The following BMPER variants were observed in gnomAD, a reference collection of about 807,000 sequenced individuals.
BMPER encodes the protein BMP binding endothelial regulator.
A neutral mutation model predicts 87.3 loss-of-function variants in BMPER; 45 were observed. The observed-to-expected ratio is 0.52, with a 90% CI of 0.41 to 0.66. The LOEUF (loss-of-function observed/expected upper bound fraction) is 0.66. Ranked by LOEUF, BMPER falls within the 30% of genes least tolerant of loss-of-function variation. BMPER has a pLI of 0.00. For synonymous variants in BMPER, 326 were observed against 316.2 expected, an observed-to-expected ratio of 1.03 and a Z score of -0.33; for missense variants, 784 against 867.5, an observed-to-expected ratio of 0.90 and a Z score of 1.21.
At chr7:34,020,918 T>C (rs2127946080) in intron 6 of BMPER, among the ~76,000 whole-genome samples, 1 of 151,514 alleles carries the variant, frequency 6.6e-6, no homozygotes, top group Non-Finnish European at 1.5e-5. Context: ...ATGCATATGT[T>C]ATAGGGTGTG....
At chr7:34,016,023 A>AGC (rs1301064428) in intron 6 of BMPER, among the ~76,000 whole-genome samples, 2 of 151,744 alleles carry the variant, frequency 1.3e-5, no homozygotes, top group African/African-American at 4.8e-5. Flanking sequence ...AGAGAGAGAG[A>AGC]GAGAGACTGA....
At chr7:34,137,559 A>G (rs1400759908) in intron 13 of BMPER, among the ~76,000 whole-genome samples, 1 of 152,262 alleles carries the variant, frequency 6.6e-6, no homozygotes, top group African/African-American at 2.4e-5. Context: ...TGATGTTTCA[A>G]AGGATCTGTG....
At chr7:34,079,299 C>A in intron 12 of BMPER, 113 bp downstream of exon 12, 1 of 1,385,974 alleles carries the variant, frequency 7.2e-7, no homozygotes, top group Non-Finnish European at 1.0e-6. Context: ...AGCAAAAACC[C>A]AAGGCAGAGC....
chr7:34,147,451 T>G (rs1196435166), intron 14 of BMPER, among the ~76,000 whole-genome samples: 2 of 152,140 alleles, frequency 1.3e-5, no homozygotes, highest in Non-Finnish European at 2.9e-5. Flanking sequence ...CCTAACCACT[T>G]TGGCAGATCC....
chr7:34,096,918 G>A (rs886891325), intron 13 of BMPER, among the ~76,000 whole-genome samples: 3 of 152,208 alleles, frequency 2.0e-5, no homozygotes, highest in African/African-American at 7.2e-5. Flanking sequence ...GATTAAATAA[G>A]ACACCAGGCA....
chr7:34,073,696 G>C (rs1438832263), intron 11 of BMPER, among the ~76,000 whole-genome samples: 1 of 152,192 alleles, frequency 6.6e-6, no homozygotes, highest in Non-Finnish European at 1.5e-5. Flanking sequence ...CTATGAGTTT[G>C]GTACACCATA....
chr7:34,079,583 C>G (rs1788958804), intron 12 of BMPER, among the ~76,000 whole-genome samples: 1 of 152,188 alleles, frequency 6.6e-6, no homozygotes, highest in African/African-American at 2.4e-5. Context: ...GCTCAGCTAG[C>G]TATGTGCAGT....
At chr7:34,009,517 G>A (rs1380756162) in intron 6 of BMPER, among the ~76,000 whole-genome samples, 1 of 151,908 alleles carries the variant, frequency 6.6e-6, no homozygotes, top group East Asian at 1.9e-4. Flanking sequence ...CAAAATGCAA[G>A]TAGCAGACTT....
intron 10 of BMPER, among the ~76,000 whole-genome samples, chr7:34,058,853 A>G (rs960341077): frequency 1.3e-5 from 2 of 152,196 alleles, no homozygotes; most frequent in African/African-American, 4.8e-5. Flanking sequence ...ATGAAAAAAT[A>G]TATCCATATA....
intron 6 of BMPER, among the ~76,000 whole-genome samples, chr7:33,976,954 A>C (rs530643884): frequency 6.6e-6 from 1 of 152,330 alleles, no homozygotes; most frequent in African/African-American, 2.4e-5. Context: ...TTCCTTTCTC[A>C]TATCCTTGTA....
intron 6 of BMPER, among the ~76,000 whole-genome samples, chr7:34,021,675 T>C (rs1243122786): frequency 1.3e-5 from 2 of 152,020 alleles, no homozygotes; most frequent in Non-Finnish European, 2.9e-5. Flanking sequence ...GATTACCACC[T>C]TTTCCCACTG....
At chr7:34,146,076 T>C (rs1333634220) in intron 14 of BMPER, among the ~76,000 whole-genome samples, 1 of 151,884 alleles carries the variant, frequency 6.6e-6, no homozygotes, top group Non-Finnish European at 1.5e-5. Context: ...CACACACACA[T>C]TATGAACTTC....
At chr7:34,055,100 A>G in intron 8 of BMPER, 63 bp from the exon 9 acceptor site, 4 of 1,608,426 alleles carry the variant, frequency 2.5e-6, no homozygotes, top group Non-Finnish European at 3.4e-6. Context: ...AAGGAAGGCC[A>G]GGTAGGATGT....
chr7:34,098,134 C>T (rs1009687783), intron 13 of BMPER, among the ~76,000 whole-genome samples: 31 of 152,072 alleles, frequency 2.0e-4, no homozygotes, highest in African/African-American at 7.2e-4. Context: ...TTCTCCTGGT[C>T]GCTGAGATGC....
At chr7:34,087,374 A>C (rs567695823) in intron 13 of BMPER, among the ~76,000 whole-genome samples, 61 of 152,288 alleles carry the variant, frequency 4.0e-4, no homozygotes, top group African/African-American at 1.4e-3. Flanking sequence ...CTTTATTTGG[A>C]ATCTAAAAAC....
chr7:34,127,549 T>G (rs1046089999), intron 13 of BMPER, among the ~76,000 whole-genome samples: 22 of 151,834 alleles, frequency 1.4e-4, no homozygotes, highest in Admixed American at 1.1e-3. Flanking sequence ...ACCACACCAC[T>G]CCCTGGATGT....
intron 3 of BMPER, among the ~76,000 whole-genome samples, chr7:33,940,944 A>G (rs2128610390): frequency 7.3e-6 from 1 of 136,682 alleles, no homozygotes; most frequent in South Asian, 2.1e-4. Context: ...GAATTTATAT[A>G]TGTAACATAT....
At chr7:33,926,259 A>G (rs1208413439) in intron 2 of BMPER, among the ~76,000 whole-genome samples, 2 of 152,252 alleles carry the variant, frequency 1.3e-5, no homozygotes, top group African/African-American at 4.8e-5. Context: ...AACCTGCAGA[A>G]AAACCCAAGT....
chr7:34,058,017 C>T lies in BMPER; in HGVS notation c.928-42C>T, dbSNP rs995295090. 4.4e-6 allele frequency: 7 copies of T among 1,581,870 alleles called. No individual in the cohort carries two copies. In the African/African-American group the frequency reaches 9.4e-5, roughly 21 times the overall value. Reference sequence around the variant, plus strand: ...TACAGTCTGTTGCCTCAACTCCTGTCAGCCTCCAGCTGCTGACAGGATCCT... The same window carrying T: ...TACAGTCTGTTGCCTCAACTCCTGTTAGCCTCCAGCTGCTGACAGGATCCT... On this transcript the variant is annotated intron_variant, in intron 9 of 14. Transcript: ENST00000649409.
Sources: allele counts gnomAD v4.1 joint callset (sites outside exome capture counted in the v4.1 genomes callset), GRCh38; gene constraint gnomAD v4.1.1; transcripts MANE v1.5; gene names NCBI Gene and HGNC (gene_info 2026-07-23, HGNC 2026-07-21).